OSBPL9: variants seen among roughly 807,000 people sequenced by gnomAD.
OSBPL9 encodes oxysterol-binding protein-related protein 9.
A neutral mutation model predicts 106.6 loss-of-function variants in OSBPL9; 40 were observed. The observed-to-expected ratio is 0.38, with a 90% CI of 0.29 to 0.49. The LOEUF is 0.49. OSBPL9 is among the 20% of genes least tolerant of loss of function. OSBPL9 has a pLI of 0.97. For synonymous variants in OSBPL9, 269 were observed against 295.4 expected, an observed-to-expected ratio of 0.91 and a Z score of 0.92; for missense variants, 609 against 887.2, an observed-to-expected ratio of 0.69 and a Z score of 3.98.
At chr1:51,782,204 T>A (rs1676548365) in intron 16 of OSBPL9, among the ~76,000 whole-genome samples, 1 of 152,136 alleles carries the variant, frequency 6.6e-6, no homozygotes, top group Admixed American at 6.5e-5. Context: ...CACATAATAA[T>A]CTGTCAGTAA....
chr1:51,713,629 G>C (rs1660523801), intron 3 of OSBPL9, among the ~76,000 whole-genome samples: 1 of 152,090 alleles, frequency 6.6e-6, no homozygotes, highest in African/African-American at 2.4e-5. Context: ...TAAATACAAG[G>C]TTTATCTTCT....
Position 51,765,884 on chromosome 1 carries a change from A to G in OSBPL9, c.841A>G (p.Asn281Asp), listed in dbSNP as rs1672456335. Residue 281 changes from asparagine (N) to aspartate (D), a missense_variant, in exon 12 of 24, where the codon AAT becomes GAT. Transcript: ENST00000428468. ...TCCAAGCCACGTGAACTTGTCTCCA[A>G]ATACAGTCCCAGAGTTCTCTTACTC... ...TSPSHVNLSP[N>D]TVPEFSYSSS... 2 of 1,613,994 alleles carry G rather than the reference A, an allele frequency of 1.2e-6. No individual in the cohort carries two copies. The highest frequency in any genetic ancestry group is 1.7e-6 in the Non-Finnish European group (2 of 1,179,978).
the OSBPL9 span, among the ~76,000 whole-genome samples, chr1:51,538,319 A>G: frequency 6.6e-6 from 1 of 152,204 alleles, no homozygotes; most frequent in East Asian, 1.9e-4. Context: ...TAAATAAACA[A>G]GATAGACACA....
At chr1:51,585,790 T>C (rs1342364239) in intron 1 of OSBPL9, among the ~76,000 whole-genome samples, 3 of 147,784 alleles carry the variant, frequency 2.0e-5, no homozygotes, top group Non-Finnish European at 4.5e-5. Context: ...AATAAATAAA[T>C]AAATAAAGTT....
the OSBPL9 span, among the ~76,000 whole-genome samples, chr1:51,560,022 C>T: frequency 6.6e-6 from 1 of 152,176 alleles, no homozygotes; most frequent in African/African-American, 2.4e-5. Context: ...TACATGACCT[C>T]CTTGTACTCC....
chr1:51,730,730 C>A (rs969792205), intron 4 of OSBPL9, among the ~76,000 whole-genome samples: 6 of 152,150 alleles, frequency 3.9e-5, no homozygotes, highest in Non-Finnish European at 8.8e-5. Context: ...ATGTATTGAA[C>A]AAGAAAACCA....
chr1:51,715,705 A>G (rs1660926758), intron 4 of OSBPL9, among the ~76,000 whole-genome samples: 1 of 152,160 alleles, frequency 6.6e-6, no homozygotes, highest in Non-Finnish European at 1.5e-5. Flanking sequence ...CCTTGTAGGC[A>G]TTTCTGCCAC....
chr1:51,680,663 A>AAAAAG (rs1652347881), intron 3 of OSBPL9, among the ~76,000 whole-genome samples: 2 of 152,182 alleles, frequency 1.3e-5, no homozygotes, highest in East Asian at 3.9e-4. Flanking sequence ...CCTGTCTCAA[A>AAAAAG]AAAAACAAAA....
chr1:51,653,640 A>G (rs1369226446), intron 2 of OSBPL9, among the ~76,000 whole-genome samples: 6 of 152,232 alleles, frequency 3.9e-5, no homozygotes, highest in South Asian at 4.1e-4. Flanking sequence ...GTGTATCCCT[A>G]AGTCCTATAG....
chr1:51,685,423 T>C (rs1297874147), intron 3 of OSBPL9, among the ~76,000 whole-genome samples: 2 of 152,194 alleles, frequency 1.3e-5, no homozygotes, highest in African/African-American at 4.8e-5. Flanking sequence ...CTTTTTTTTT[T>C]TTGAGATGGC....
chr1:51,781,535 A>C (rs532506333), intron 16 of OSBPL9, 200 bp downstream of exon 16: 5 of 533,984 alleles, frequency 9.4e-6, no homozygotes, highest in African/African-American at 5.6e-5. Flanking sequence ...GGGATGTAGA[A>C]ATCAGATCTT....
intron 2 of OSBPL9, among the ~76,000 whole-genome samples, chr1:51,606,158 T>C (rs140062584): frequency 6.6e-6 from 1 of 152,304 alleles, no homozygotes; most frequent in East Asian, 1.9e-4. Context: ...TGGTGCAGGT[T>C]TGAGACCAGT....
At chr1:51,559,818 A>C in the OSBPL9 span, among the ~76,000 whole-genome samples, 1 of 152,136 alleles carries the variant, frequency 6.6e-6, no homozygotes, top group African/African-American at 2.4e-5. Context: ...ATATGTTTAC[A>C]AGATGTAGAA....
chr1:51,629,992 G>A (rs1645013102), intron 1 of OSBPL9, among the ~76,000 whole-genome samples: 1 of 151,938 alleles, frequency 6.6e-6, no homozygotes, highest in Non-Finnish European at 1.5e-5. Flanking sequence ...GGGGAGTTAT[G>A]GAGTGATTAC....
the OSBPL9 span, among the ~76,000 whole-genome samples, chr1:51,525,750 A>G: frequency 6.6e-6 from 1 of 152,334 alleles, no homozygotes; most frequent in Non-Finnish European, 1.5e-5. Context: ...TTCATTCTCC[A>G]TATCATAAAC....
At chr1:51,641,872 A>G (rs150495444) in intron 1 of OSBPL9, among the ~76,000 whole-genome samples, 1 of 152,324 alleles carries the variant, frequency 6.6e-6, no homozygotes, top group Non-Finnish European at 1.5e-5. Flanking sequence ...TAGATATCCT[A>G]AGGTGTTTGC....
rs1036368564 is a variant in OSBPL9, at chr1:51,668,568, G to C, written c.163-866G>C. Among the ~76,000 whole-genome samples, 6 of 152,338 alleles carry C rather than the reference G, an allele frequency of 3.9e-5. No homozygotes were observed. The Middle Eastern group carries it at 0.01, about 259-fold the overall frequency. ...ACCTGGGAGGTGGAGGTTGCAGTGAGCCGAGATCGTGCCACTGCACTCCAG... is the reference window on the plus strand; with the variant it reads ...ACCTGGGAGGTGGAGGTTGCAGTGACCCGAGATCGTGCCACTGCACTCCAG... On this transcript the variant is annotated intron_variant, in intron 2 of 23. Coordinates refer to ENST00000428468, the MANE Select transcript of OSBPL9 (RefSeq NM_024586.6).
At chr1:51,519,287 CG>C in the OSBPL9 span, 1 of 274,944 alleles carries the variant, frequency 3.6e-6, no homozygotes, top group Non-Finnish European at 4.8e-6. Flanking sequence ...GGGCTCGGGG[CG>C]GGGAGGAGGC....
At chr1:51,580,548 ACT>A (rs1188341611) in intron 1 of OSBPL9, among the ~76,000 whole-genome samples, 1 of 151,728 alleles carries the variant, frequency 6.6e-6, no homozygotes, top group Non-Finnish European at 1.5e-5. Flanking sequence ...TAAATAAGAG[ACT>A]CTATGCTCAA....
Sources: gnomAD v4.1 joint callset for allele counts (sites outside exome capture counted in the v4.1 genomes callset) on GRCh38, gnomAD v4.1.1 for gene constraint, MANE v1.5 for transcripts, NCBI Gene and HGNC (gene_info 2026-07-23, HGNC 2026-07-21) for gene names.